Variants in TFR2 observed in about 807,000 individuals in gnomAD.
TFR2 encodes the protein transferrin receptor 2.
In TFR2, 64 loss-of-function variants were observed where a neutral mutation model predicts 91.9. The observed-to-expected ratio is 0.70, with a 90% CI of 0.57 to 0.86. The LOEUF is 0.86. Among genes scored for constraint, TFR2 ranks in the 40% least tolerant of loss-of-function variants. The pLI is 0.00. For synonymous variants in TFR2, 454 were observed against 459.6 expected (o/e 0.99, Z 0.15); for missense variants, 950 against 1,080.5 (o/e 0.88, Z 1.69).
At chr7:100,630,587 G>A (rs1315982798) in intron 9 of TFR2, among the ~76,000 whole-genome samples, 1 of 152,190 alleles carries the variant, frequency 6.6e-6, no homozygotes, top group African/African-American at 2.4e-5. Context: ...ACCACACCCG[G>A]CCCATGCTTG....
In TFR2 at chr7:100,628,106, C is replaced by T. The variant is rs150618729; in HGVS notation, c.1504G>A (p.Val502Ile). 263 of 1,614,138 alleles carry T rather than the reference C, an allele frequency of 1.6e-4. 5 individuals carry two copies. In the South Asian group the frequency reaches 2.5e-3, roughly 15 times the overall value. ...GYLSVLHLKA[V>I]VYVSLDNAVL... ...GCGTTGTCCAGGCTCACGTACACTA[C>T]GGCTTTGAGGTGCAGCACGCTGAGG... The change falls in exon 12 of 18, where the codon GTA becomes ATA. Residue 502 changes from valine (V) to isoleucine (I), a missense_variant. Transcript: ENST00000223051.
chr7:100,625,215 A>T (rs1438928653), intron 17 of TFR2, among the ~76,000 whole-genome samples: 2 of 151,726 alleles, frequency 1.3e-5, no homozygotes, highest in African/African-American at 4.8e-5. Context: ...GTGTGCCACC[A>T]TGCCCAGCTA....
In TFR2 at chr7:100,641,546, C is replaced by G; in HGVS notation, c.-37G>C. On this transcript the variant is annotated 5_prime_UTR_variant, in exon 1 of 18. Coordinates refer to ENST00000223051, the MANE Select transcript of TFR2 (RefSeq NM_003227.4). ...CTCCTGAAGCCTGCAGGCTGTCCCCCAGCGATAAACCGATAAACCGTTTGT... is the reference window on the plus strand; with the variant it reads ...CTCCTGAAGCCTGCAGGCTGTCCCCGAGCGATAAACCGATAAACCGTTTGT... 6.2e-7 allele frequency: 1 copy of G among 1,612,326 alleles called. No individual in the cohort carries two copies. Among genetic ancestry groups the G allele is most frequent in the East Asian group, 2.2e-5 (1 of 44,788 alleles).
In TFR2 at chr7:100,633,131, C is replaced by G; in HGVS notation, c.727-8G>C. 5 of 1,613,346 alleles carry G rather than the reference C, an allele frequency of 3.1e-6. No individual in the cohort carries two copies. The highest frequency in any genetic ancestry group is 4.2e-6 in the Non-Finnish European group (5 of 1,179,816). ...GGCGTACACCAGCTCTCCCTGGGGA[C>G]ACGAGGACGGTGAGGCGCGCTCCCC... On this transcript the variant is annotated splice_region_variant and splice_polypyrimidine_tract_variant and intron_variant, in intron 5 of 17. Coordinates refer to ENST00000223051, the MANE Select transcript of TFR2 (RefSeq NM_003227.4).
At chr7:100,621,223 G>T (rs1584452033) in intron 17 of TFR2, 97 bp from the exon 18 acceptor site, 4 of 1,348,486 alleles carry the variant, frequency 3.0e-6, no homozygotes, top group East Asian at 2.6e-5. Context: ...TTGTTTTTTT[G>T]TTTGTTTGTT....
chr7:100,635,851 G>T (rs1803563544), intron 3 of TFR2, among the ~76,000 whole-genome samples: 1 of 152,040 alleles, frequency 6.6e-6, no homozygotes, highest in Non-Finnish European at 1.5e-5. Flanking sequence ...TCCCACCTCA[G>T]CCTCCCAAAG....
At chr7:100,633,161 C>A in intron 5 of TFR2, 38 bp from the exon 6 acceptor site, 1 of 1,612,144 alleles carries the variant, frequency 6.2e-7, no homozygotes, top group Non-Finnish European at 8.5e-7. Flanking sequence ...CTCCCCGCGT[C>A]CCTCCTTCGA....
rs41303465 is a variant in TFR2 at position 100,633,265 on chromosome 7, G to C, written c.690C>G (p.Asp230Glu). The C allele has an allele frequency of 1.3e-5, 21 of 1,613,748 alleles. No individual in the cohort carries two copies. The Admixed American group carries it at 3.3e-4, about 26-fold the overall frequency. ...VGEQLPLEDPDVYCPYSAIGN... is the reference protein window; with the variant it reads ...VGEQLPLEDPEVYCPYSAIGN... ...CGATGGCGCTGTAGGGGCAGTAGAC[G>C]TCAGGGTCCTCCAGCGGCAGCTGCT... is the stretch of plus-strand genomic sequence containing the variant. Residue 230 changes from aspartate to glutamate, a missense_variant, in exon 5 of 18, where the codon GAC becomes GAG. Physicochemically the swap from Asp to Glu is conservative, Grantham distance 45. Coordinates refer to ENST00000223051, the MANE Select transcript of TFR2 (RefSeq NM_003227.4).
intron 8 of TFR2, 94 bp from the exon 9 acceptor site, chr7:100,631,146 C>A: frequency 7.3e-7 from 1 of 1,374,956 alleles, no homozygotes; most frequent in Non-Finnish European, 9.6e-7. Context: ...CCCACCCTTT[C>A]TGGCTCCAGA....
rs41295906 is a variant in TFR2, at chr7:100,627,735, C to G, written c.1682+9G>C. 1.1e-4 allele frequency: 181 copies of G among 1,614,016 alleles called. No individual in the cohort carries two copies. The East Asian group carries it at 2.7e-3, about 24-fold the overall frequency. On this transcript the variant is annotated intron_variant, in intron 14 of 17. Coordinates refer to ENST00000223051, the MANE Select transcript of TFR2 (RefSeq NM_003227.4). ...TCCCTCCCCAGCTCTCCCTACCCCC[C>G]CAACTTACACCTCAGCATCCCAGCT... is the stretch of plus-strand genomic sequence containing the variant.
chr7:100,629,867 T>A (rs1205869973), intron 9 of TFR2, among the ~76,000 whole-genome samples: 1 of 152,142 alleles, frequency 6.6e-6, no homozygotes, highest in Non-Finnish European at 1.5e-5. Context: ...TGCCTCAGCC[T>A]CCTGAGTAGC....
chr7:100,631,492 G>T, intron 8 of TFR2: 1 of 325,776 alleles, frequency 3.1e-6, no homozygotes, highest in South Asian at 2.8e-5. Flanking sequence ...GCGTGGTGGG[G>T]GGGCACCTGT....
chr7:100,621,211 TTTTG>T (rs1460394554), intron 17 of TFR2, 85 bp from the exon 18 acceptor site: 24 of 1,380,258 alleles, frequency 1.7e-5, no homozygotes, highest in Admixed American at 3.0e-5. Context: ...CAGCCAGTCT[TTTTG>T]TTTTTTTGTT....
chr7:100,626,851 C>T lies in TFR2; in HGVS notation c.2048G>A (p.Arg683Gln). 6.5e-7 allele frequency: 1 copy of T among 1,548,950 alleles called. No individual in the cohort carries two copies. The highest frequency in any genetic ancestry group is 1.4e-5 in the African/African-American group (1 of 73,146). Reference protein sequence around the residue: ...WVYSARGDYIRAAEKLRQEIY... With the variant: ...WVYSARGDYIQAAEKLRQEIY... ...CTCCTGCCGCAGCTTTTCCGCCGCCCGGATGTAGTCCCCCCGCGCCGAGTA... is the reference window on the plus strand; with the variant it reads ...CTCCTGCCGCAGCTTTTCCGCCGCCTGGATGTAGTCCCCCCGCGCCGAGTA... Residue 683 changes from arginine to glutamine, a missense_variant, in exon 17 of 18, where the codon CGG becomes CAG. Arg to Gln is a conservative substitution (Grantham distance 43, BLOSUM62 1). Coordinates refer to ENST00000223051, the MANE Select transcript of TFR2 (RefSeq NM_003227.4).
chr7:100,638,449 TA>T (rs963945069), intron 3 of TFR2, among the ~76,000 whole-genome samples: 1 of 149,622 alleles, frequency 6.7e-6, no homozygotes, highest in Non-Finnish European at 1.5e-5. Flanking sequence ...TCGTTTCTAC[TA>T]AAAAAAATTA....
At chr7:100,628,383 TC>T in intron 10 of TFR2, 77 bp from the exon 11 acceptor site, 1 of 1,373,066 alleles carries the variant, frequency 7.3e-7, no homozygotes, top group Admixed American at 1.8e-5. Flanking sequence ...TCTGTCCTGG[TC>T]CCCCAGGGTC....
In TFR2 at chr7:100,621,114, A is replaced by G. The variant is rs1803098269; in HGVS notation, c.2149T>C (p.Phe717Leu). ...NVRIMRVEFY[F>L]LSQYVSPADS... ...GCTGGCGACACGTACTGGGAAAGGAAGTAGAACTCCACCTGCGCAGAGAGG... is the reference window on the plus strand; with the variant it reads ...GCTGGCGACACGTACTGGGAAAGGAGGTAGAACTCCACCTGCGCAGAGAGG... The change falls in exon 18 of 18, where the codon TTC becomes CTC. Residue 717 changes from phenylalanine to leucine, a missense_variant. Transcript: ENST00000223051. 3 of 1,526,112 alleles carry G rather than the reference A, an allele frequency of 2.0e-6. No individual in the cohort carries two copies. The highest frequency in any genetic ancestry group is 1.4e-5 in the African/African-American group (1 of 72,800). 94.5% of individuals were successfully genotyped at this position (1,526,112 alleles called of 1,614,324 possible).
chr7:100,630,075 T>C (rs976250764), intron 9 of TFR2, among the ~76,000 whole-genome samples: 1 of 152,186 alleles, frequency 6.6e-6, no homozygotes, highest in African/African-American at 2.4e-5. Context: ...TTTTGTGAAG[T>C]CTTGGCTTTG....
At chr7:100,627,687 C>T in intron 14 of TFR2, 26 bp from the exon 15 acceptor site, 1 of 1,614,018 alleles carries the variant, frequency 6.2e-7, no homozygotes, top group Non-Finnish European at 8.5e-7. Flanking sequence ...TTGGAGCGAT[C>T]TGTGGGTTCA....
Sources: gnomAD v4.1 joint callset for allele counts (sites outside exome capture counted in the v4.1 genomes callset) on GRCh38, gnomAD v4.1.1 for gene constraint, MANE v1.5 for transcripts, NCBI Gene and HGNC (gene_info 2026-07-23, HGNC 2026-07-21) for gene names.